Variants in CEACAM4 observed in about 807,000 individuals in gnomAD.
The protein encoded by CEACAM4 is CEA cell adhesion molecule 4, also known as cell adhesion molecule CEACAM4.
Under a neutral mutation model 28.7 loss-of-function variants are expected in CEACAM4, and 30 were observed. The observed-to-expected ratio is 1.05, with a 90% CI of 0.78 to 1.42. The LOEUF is 1.42. Ranked by LOEUF, CEACAM4 falls within the 40% of genes most tolerant of loss-of-function variation. The pLI is 0.00. For synonymous variants in CEACAM4, 143 were observed against 126.5 expected (o/e 1.13, Z -0.87); for missense variants, 330 against 308.2 (o/e 1.07, Z -0.53).
At chr19:41,613,522 C>T in the CEACAM4 span, among the ~76,000 whole-genome samples, 2 of 151,814 alleles carry the variant, frequency 1.3e-5, no homozygotes, top group Non-Finnish European at 2.9e-5. Flanking sequence ...CACACACATA[C>T]ACCCACACCC....
chr19:41,621,523 T>C (rs1437756016), intron 3 of CEACAM4, 128 bp downstream of exon 3: 25 of 585,084 alleles, frequency 4.3e-5, no homozygotes, highest in Middle Eastern at 6.9e-4. Context: ...GGAGGAGCCA[T>C]GGAATGAGAG....
intron 2 of CEACAM4, 89 bp from the exon 3 acceptor site, chr19:41,621,857 G>A (rs1177828759): frequency 2.6e-6 from 2 of 762,604 alleles, no homozygotes; most frequent in South Asian, 1.6e-5. Context: ...GCATAGTCAG[G>A]GAGGAAGGAA....
downstream of CEACAM4, among the ~76,000 whole-genome samples, chr19:41,616,131 G>A (rs1474276009): frequency 6.6e-6 from 1 of 152,148 alleles, no homozygotes; most frequent in Non-Finnish European, 1.5e-5. Flanking sequence ...CCAGGTTCAG[G>A]CAATTCTCCT....
chr19:41,621,804 A>T (rs782671637), intron 2 of CEACAM4, 36 bp from the exon 3 acceptor site: 1 of 1,283,540 alleles, frequency 7.8e-7, no homozygotes, highest in Non-Finnish European at 1.1e-6. Context: ...ACAAGGCCCA[A>T]GTTTGTTCCA....
chr19:41,624,207 G>A (rs782719380), intron 2 of CEACAM4, among the ~76,000 whole-genome samples: 1 of 152,150 alleles, frequency 6.6e-6, no homozygotes, highest in African/African-American at 2.4e-5. Context: ...CTAGGATCTT[G>A]TATCCAGGTC....
chr19:41,619,384 G>A lies in CEACAM4; in HGVS notation c.681C>T (p.Tyr227=), dbSNP rs782427589. The change falls in exon 7 of 7, where the codon TAC becomes TAT. Residue 227 remains tyrosine, a synonymous_variant. Coordinates refer to ENST00000221954, the MANE Select transcript of CEACAM4 (RefSeq NM_001817.4). ...TATPIYEELL[Y]SDANIYCQID... is the part of the protein sequence containing the mutation. ...TCTGGCAGTAAATGTTTGCATCAGA[G>A]TATAGCAATTCCTGTAAAAACAGAG... 4.3e-6 allele frequency: 7 copies of A among 1,613,886 alleles called. No individual in the cohort carries two copies. In the African/African-American group the frequency reaches 5.3e-5, roughly 12 times the overall value.
At chr19:41,619,546 T>TCAA in intron 6 of CEACAM4, 124 bp downstream of exon 6, 1 of 1,540,172 alleles carries the variant, frequency 6.5e-7, no homozygotes, top group African/African-American at 1.4e-5. Context: ...CCTCCTCTGC[T>TCAA]CACCACCACC....
At position 41,627,046 on chromosome 19, in the gene CEACAM4, G is replaced by A. The variant is rs1456015176; in HGVS notation, c.-83C>T. 6.3e-6 allele frequency: 8 copies of A among 1,261,944 alleles called. No homozygotes were observed. In the African/African-American group the frequency reaches 1.2e-4, roughly 20 times the overall value. The allele number at this position is 1,261,944 out of a possible 1,614,324, so 78.2% of individuals were successfully genotyped here. On this transcript the variant is annotated 5_prime_UTR_variant, in exon 1 of 7. Transcript: ENST00000221954. ...GTCAGAGCTGCTGTGACTGTCGGCT[G>A]TCGGGGCTGCTGACCTTCCTCCTTC...
downstream of CEACAM4, among the ~76,000 whole-genome samples, chr19:41,615,577 C>A (rs1555798736): frequency 6.6e-6 from 1 of 152,040 alleles, no homozygotes; most frequent in Admixed American, 6.5e-5. Flanking sequence ...TGGAGCTGAG[C>A]AGTTTCATGT....
downstream of CEACAM4, among the ~76,000 whole-genome samples, chr19:41,616,254 A>G (rs1234148493): frequency 1.3e-5 from 2 of 151,894 alleles, no homozygotes; most frequent in Non-Finnish European, 2.9e-5. Context: ...CTGGTCTCGA[A>G]CACCTGTCCT....
At chr19:41,626,520 C>T (rs1426963944) in intron 1 of CEACAM4, among the ~76,000 whole-genome samples, 1 of 152,282 alleles carries the variant, frequency 6.6e-6, no homozygotes, top group East Asian at 1.9e-4. Context: ...CCTCCAAGTC[C>T]TGAGGTTTAT....
chr19:41,624,493 G>C lies in CEACAM4; in HGVS notation c.424+1108C>G, dbSNP rs187455078. Among the ~76,000 whole-genome samples, 419 of 152,302 alleles carry C rather than the reference G, an allele frequency of 2.8e-3. 2 individuals are homozygous for C. The highest frequency in any genetic ancestry group is 9.6e-3 in the African/African-American group (399 of 41,558). On this transcript the variant is annotated intron_variant, in intron 2 of 6. Coordinates refer to ENST00000221954, the MANE Select transcript of CEACAM4 (RefSeq NM_001817.4). ...ACTGATTGTTGAGGCAGGTGATTTA[G>C]TTAAGAAAAAACTGATTAATTCTGT...
Position 41,620,247 on chromosome 19 carries a change from G to A in CEACAM4, c.596-5C>T, listed in dbSNP as rs1198510966. 6.1e-6 allele frequency: 9 copies of A among 1,478,576 alleles called. No homozygotes were observed. Among genetic ancestry groups the A allele is most frequent in the African/African-American group, 2.9e-5 (2 of 69,612 alleles). 91.6% of individuals were successfully genotyped at this position (1,478,576 alleles called of 1,614,324 possible). On this transcript the variant is annotated splice_region_variant and splice_polypyrimidine_tract_variant and intron_variant, in intron 4 of 6. Coordinates refer to ENST00000221954, the MANE Select transcript of CEACAM4 (RefSeq NM_001817.4). ...ATCTGTGAGAGGGACCATGGCCTGG[G>A]GACAGAGACAGGAGTGAGCAGCAGG... is the stretch of plus-strand genomic sequence containing the variant.
chr19:41,615,459 T>C (rs1017645238), downstream of CEACAM4, among the ~76,000 whole-genome samples: 21 of 151,770 alleles, frequency 1.4e-4, no homozygotes, highest in African/African-American at 5.1e-4. Context: ...GTGCCTTGGG[T>C]GAGGATGTCA....
chr19:41,623,416 T>G (rs895498148), intron 2 of CEACAM4, among the ~76,000 whole-genome samples: 2 of 137,436 alleles, frequency 1.5e-5, no homozygotes, highest in Non-Finnish European at 3.0e-5. Context: ...TCTTTCGAAC[T>G]GCATTTTTTT....
At chr19:41,623,022 T>C (rs993441828) in intron 2 of CEACAM4, among the ~76,000 whole-genome samples, 2 of 152,158 alleles carry the variant, frequency 1.3e-5, no homozygotes, top group Admixed American at 6.5e-5. Flanking sequence ...TTGTTTTTTG[T>C]TTGTTTGTTT....
downstream of CEACAM4, among the ~76,000 whole-genome samples, chr19:41,615,253 T>A (rs368391050): frequency 2.3e-4 from 35 of 152,086 alleles, 1 homozygote; most frequent in African/African-American, 8.0e-4. Context: ...ATACCTGCTG[T>A]TCATCAGAGC....
In CEACAM4 at chr19:41,625,939, T is replaced by C. The variant is rs782282128; in HGVS notation, c.86A>G (p.His29Arg). Residue 29 changes from histidine (H) to arginine (R), a missense_variant, in exon 2 of 7, where the codon CAC (histidine) becomes CGC (arginine). Coordinates refer to ENST00000221954, the MANE Select transcript of CEACAM4 (RefSeq NM_001817.4). ...LITASLLTFW[H>R]PPTTVQFTIE... ...AGTGAACTGGACAGTGGTGGGCGGG[T>C]GCCAGAAGGTTAAAAGTGAGGCTAG... is the stretch of plus-strand genomic sequence containing the variant. 18 of 1,611,756 alleles carry C rather than the reference T, an allele frequency of 1.1e-5. No individual in the cohort carries two copies. The highest frequency in any genetic ancestry group is 1.4e-5 in the Non-Finnish European group (17 of 1,178,804).
intron 2 of CEACAM4, among the ~76,000 whole-genome samples, chr19:41,625,077 G>A (rs2071549341): frequency 6.6e-6 from 1 of 152,190 alleles, no homozygotes; most frequent in Admixed American, 6.5e-5. Context: ...GGTAGGCTCT[G>A]TCCTTGTCTA....
Sources: gnomAD v4.1 joint callset for allele counts (sites outside exome capture counted in the v4.1 genomes callset) on GRCh38, gnomAD v4.1.1 for gene constraint, MANE v1.5 for transcripts, NCBI Gene and HGNC (gene_info 2026-07-23, HGNC 2026-07-21) for gene names.